The following ALG13 variants were observed in gnomAD, a reference collection of about 807,000 sequenced individuals.
The protein encoded by ALG13 is ALG13 UDP-N-acetylglucosaminyltransferase subunit.
Under a neutral mutation model 87.8 loss-of-function variants are expected in ALG13, and 11 were observed. That is an observed-to-expected ratio of 0.13 (90% CI 0.08 to 0.21). ALG13 has a LOEUF of 0.21. Among genes scored for constraint, ALG13 ranks in the 10% least tolerant of loss-of-function variants. ALG13 has a pLI of 1.00. For missense variants in ALG13, 756 were observed against 866.1 expected, an observed-to-expected ratio of 0.87 and a Z score of 1.60; for synonymous variants, 320 against 306.3, an observed-to-expected ratio of 1.04 and a Z score of -0.47.
chrX:111,757,470 C>A, intron 25 of ALG13, 118 bp from the exon 26 acceptor site: 3 of 539,156 alleles, frequency 5.6e-6, no homozygotes, highest in South Asian at 5.7e-5. Flanking sequence ...GCTACCTCAC[C>A]TGAAAATCGT....
At chrX:111,708,789 T>TC (rs2148003631) in intron 4 of ALG13, among the ~76,000 whole-genome samples, 176 bp from the exon 5 acceptor site, 1 of 111,837 alleles carries the variant, frequency 8.9e-6, no homozygotes, top group Non-Finnish European at 1.9e-5. Flanking sequence ...CAGTCATCCT[T>TC]CCCCCATTTC....
At position 111,759,878 on chromosome X, in the gene ALG13, G is replaced by C; in HGVS notation, c.3293G>C (p.Trp1098Ser). ...VVPDYSCVPP[W>S]HPVGTAYGGS... ...CCAGATTATTCCTGTGTTCCCCCCT[G>C]GCATCCAGTTGGTACAGCATATGGT... The change falls in exon 27 of 27, where the codon TGG (tryptophan) becomes TCG (serine). Residue 1098 changes from tryptophan to serine, a missense_variant. Transcript: ENST00000394780. 1 of 1,210,707 alleles carries C rather than the reference G, an allele frequency of 8.3e-7. No homozygotes were observed. The highest frequency in any genetic ancestry group is 3.0e-5 in the East Asian group (1 of 33,784).
intron 23 of ALG13, among the ~76,000 whole-genome samples, chrX:111,742,089 C>T (rs1445741758): frequency 1.8e-5 from 2 of 111,807 alleles, no homozygotes; most frequent in African/African-American, 6.5e-5. Flanking sequence ...ATACTGCCTT[C>T]ATTTATTTGC....
intron 12 of ALG13, 145 bp downstream of exon 12, chrX:111,721,856 C>A: frequency 4.9e-6 from 2 of 408,577 alleles, no homozygotes; most frequent in South Asian, 9.1e-5. Flanking sequence ...TGATTTAAAT[C>A]CAAAGGAGGG....
In ALG13 at chrX:111,722,783, C is replaced by G. The variant is rs1941539873; in HGVS notation, c.1436-10C>G. On this transcript the variant is annotated splice_polypyrimidine_tract_variant and intron_variant, in intron 12 of 26. Transcript: ENST00000394780. ...TTAGTTGAGCTTGAATCTTCATTTT[C>G]TTTTAATAGAACTTCAAAAATCTGA... 2 of 1,164,186 alleles carry G rather than the reference C, an allele frequency of 1.7e-6. No homozygotes were observed. The highest frequency in any genetic ancestry group is 1.2e-6 in the Non-Finnish European group (1 of 858,742).
chrX:111,735,237 A>G (rs755481931), intron 22 of ALG13, 115 bp downstream of exon 22: 23 of 476,640 alleles, frequency 4.8e-5, no homozygotes, highest in Non-Finnish European at 8.3e-5. Context: ...TCCTTTAGGT[A>G]TTATTGTACC....
At chrX:111,704,912 A>G (rs1255749645) in intron 3 of ALG13, among the ~76,000 whole-genome samples, 1 of 111,998 alleles carries the variant, frequency 8.9e-6, no homozygotes, top group Admixed American at 9.4e-5. Flanking sequence ...TTGTGCACAT[A>G]TCACCACAAA....
intron 23 of ALG13, among the ~76,000 whole-genome samples, 185 bp from the exon 24 acceptor site, chrX:111,744,483 G>T (rs1237403324): frequency 9.0e-6 from 1 of 110,752 alleles, no homozygotes; most frequent in East Asian, 2.8e-4. Context: ...GACCTGTTAT[G>T]AACTAGTTCT....
intron 26 of ALG13, 37 bp from the exon 27 acceptor site, chrX:111,759,697 T>C (rs1945582600): frequency 8.8e-7 from 1 of 1,137,149 alleles, no homozygotes; most frequent in African/African-American, 1.8e-5. Flanking sequence ...GGTGAATTTT[T>C]GTATATAAAG....
At chrX:111,741,927 T>A (rs1420576832) in intron 23 of ALG13, among the ~76,000 whole-genome samples, 11 of 112,387 alleles carry the variant, frequency 9.8e-5, no homozygotes, top group Admixed American at 8.5e-4. Context: ...TTTACTACTT[T>A]GTGCTAGTTG....
chrX:111,703,982 C>T (rs1181824298), intron 3 of ALG13, among the ~76,000 whole-genome samples: 2 of 112,077 alleles, frequency 1.8e-5, no homozygotes, highest in African/African-American at 6.5e-5. Flanking sequence ...CCACTAGCAA[C>T]GTATGAGAGT....
intron 5 of ALG13, chrX:111,710,867 T>A (rs1210063680): frequency 9.0e-6 from 1 of 110,954 alleles, no homozygotes; most frequent in Non-Finnish European, 1.9e-5. Context: ...TGGCTAATTT[T>A]TTTGTATTTT....
chrX:111,682,900 G>T (rs774404413), intron 2 of ALG13, among the ~76,000 whole-genome samples: 4 of 111,871 alleles, frequency 3.6e-5, no homozygotes, highest in Non-Finnish European at 5.6e-5. Context: ...TCAGAGGACC[G>T]CCCTGATGGT....
rs1556488604 is a variant in ALG13 at position 111,712,477 on chromosome X, T to C, written c.886-7T>C. ...TTTTTAAAACTCAATACACTATTTA[T>C]GTTTAGGAAAGTGCTGGCCAGCTGG... On this transcript the variant is annotated splice_region_variant and splice_polypyrimidine_tract_variant and intron_variant, in intron 6 of 26. Coordinates refer to ENST00000394780, the MANE Select transcript of ALG13 (RefSeq NM_001099922.3). The C allele has an allele frequency of 1.7e-6, 2 of 1,158,935 alleles. No homozygotes were observed. Among genetic ancestry groups the C allele is most frequent in the South Asian group, 4.0e-5 (2 of 50,522 alleles).
intron 24 of ALG13, among the ~76,000 whole-genome samples, chrX:111,751,064 A>G (rs963604454): frequency 9.9e-6 from 1 of 100,547 alleles, no homozygotes. Flanking sequence ...GTATAAGCAT[A>G]ACTTTTTTTT....
intron 19 of ALG13, among the ~76,000 whole-genome samples, chrX:111,729,286 A>G (rs1337328711): frequency 1.8e-5 from 2 of 111,849 alleles, no homozygotes; most frequent in African/African-American, 6.5e-5. Flanking sequence ...GTATATCCCT[A>G]TTGAAACAAT....
intron 19 of ALG13, 142 bp from the exon 20 acceptor site, chrX:111,730,253 A>G (rs1942527655): frequency 2.0e-6 from 1 of 495,391 alleles, no homozygotes; most frequent in Non-Finnish European, 3.5e-6. Flanking sequence ...GAAAGCTCAT[A>G]TCACTTTTCA....
At chrX:111,740,495 C>G (rs1406175078) in intron 23 of ALG13, among the ~76,000 whole-genome samples, 2 of 110,850 alleles carry the variant, frequency 1.8e-5, no homozygotes, top group Non-Finnish European at 3.8e-5. Flanking sequence ...CAATAAGTAT[C>G]CCTAGCACCG....
At chrX:111,719,025 CTTTTTTTTTT>C (rs1174274292) in intron 10 of ALG13, among the ~76,000 whole-genome samples, 2 of 82,443 alleles carry the variant, frequency 2.4e-5, no homozygotes, top group African/African-American at 6.2e-5. Context: ...AATTTTTTTT[CTTTTTTTTTT>C]TTTTTTTTTG....
Sources: gnomAD v4.1 joint callset for allele counts (sites outside exome capture counted in the v4.1 genomes callset) on GRCh38, gnomAD v4.1.1 for gene constraint, MANE v1.5 for transcripts, NCBI Gene and HGNC (gene_info 2026-07-23, HGNC 2026-07-21) for gene names.